RPS6KC1: variants seen among roughly 807,000 people sequenced by gnomAD.
RPS6KC1 encodes the protein ribosomal protein S6 kinase C1, also known as inactive ribosomal protein S6 kinase delta-1.
In RPS6KC1, 54 loss-of-function variants were observed where a neutral mutation model predicts 103.8. The observed-to-expected ratio is 0.52, with a 90% confidence interval of 0.42 to 0.65. RPS6KC1 has a LOEUF of 0.65. Among genes scored for constraint, RPS6KC1 ranks in the 30% least tolerant of loss-of-function variants. The pLI is 0.00. For synonymous variants in RPS6KC1, 439 were observed against 438.7 expected, an observed-to-expected ratio of 1.00 and a Z score of -0.01; for missense variants, 1,151 against 1,253.8, an observed-to-expected ratio of 0.92 and a Z score of 1.24.
chr1:213,415,167 CTA>C, the RPS6KC1 span, among the ~76,000 whole-genome samples: 1 of 152,230 alleles, frequency 6.6e-6, no homozygotes, highest in Non-Finnish European at 1.5e-5. Context: ...GTGTCTACTC[CTA>C]TGTTTCATCC....
intron 5 of RPS6KC1, among the ~76,000 whole-genome samples, chr1:213,127,438 G>T (rs1300749120): frequency 1.3e-5 from 2 of 152,136 alleles, no homozygotes; most frequent in Non-Finnish European, 2.9e-5. Context: ...GAAAAAATGA[G>T]AATTATACAT....
the RPS6KC1 span, among the ~76,000 whole-genome samples, chr1:213,786,360 C>T: frequency 6.6e-6 from 1 of 152,236 alleles, no homozygotes; most frequent in African/African-American, 2.4e-5. Flanking sequence ...ATAGTTGTTC[C>T]CCATTGTTAA....
the RPS6KC1 span, among the ~76,000 whole-genome samples, chr1:213,693,819 T>C: frequency 3.5e-4 from 53 of 152,320 alleles, no homozygotes; most frequent in Admixed American, 2.1e-3. Flanking sequence ...CAGTCAATAA[T>C]ATATTTATCT....
intron 5 of RPS6KC1, among the ~76,000 whole-genome samples, chr1:213,122,558 G>C (rs1469679598): frequency 6.6e-6 from 1 of 152,078 alleles, no homozygotes; most frequent in African/African-American, 2.4e-5. Context: ...ATAATATAGT[G>C]TGAGATGACA....
intron 6 of RPS6KC1, among the ~76,000 whole-genome samples, chr1:213,139,221 A>C (rs2086733087): frequency 6.6e-6 from 1 of 151,860 alleles, no homozygotes; most frequent in Non-Finnish European, 1.5e-5. Context: ...TGTTGATTTG[A>C]GTTCCTTATA....
At chr1:213,068,864 AGTGTATATAT>A (rs1435076063) in intron 1 of RPS6KC1, among the ~76,000 whole-genome samples, 1 of 130,150 alleles carries the variant, frequency 7.7e-6, no homozygotes, top group East Asian at 2.4e-4. Context: ...AAAAAAAAAA[AGTGTATATAT>A]GTGTGTGTGT....
At chr1:213,601,459 A>G in the RPS6KC1 span, among the ~76,000 whole-genome samples, 1 of 148,064 alleles carries the variant, frequency 6.8e-6, no homozygotes, top group Admixed American at 6.8e-5. Flanking sequence ...TACTATATGT[A>G]AATATATATT....
intron 8 of RPS6KC1, among the ~76,000 whole-genome samples, chr1:213,226,144 A>T (rs1333867516): frequency 6.6e-6 from 1 of 150,988 alleles, no homozygotes; most frequent in African/African-American, 2.4e-5. Flanking sequence ...AATGGCGTGA[A>T]CCCGGGAGGC....
chr1:213,171,036 AATT>A (rs1357034476), intron 7 of RPS6KC1, among the ~76,000 whole-genome samples: 1 of 152,120 alleles, frequency 6.6e-6, no homozygotes, highest in African/African-American at 2.4e-5. Context: ...AATTTTTGTT[AATT>A]ATTGTTTTCT....
the RPS6KC1 span, among the ~76,000 whole-genome samples, chr1:213,514,277 C>T: frequency 5.9e-5 from 9 of 152,072 alleles, no homozygotes; most frequent in Middle Eastern, 0.014. Flanking sequence ...ATGTGCACAA[C>T]GTGCAGGTTT....
the RPS6KC1 span, among the ~76,000 whole-genome samples, chr1:213,302,836 A>AT: frequency 6.6e-6 from 1 of 152,176 alleles, no homozygotes; most frequent in Non-Finnish European, 1.5e-5. Flanking sequence ...TCAGGAGCTT[A>AT]TTTTTGTATA....
chr1:213,711,537 C>A, the RPS6KC1 span, among the ~76,000 whole-genome samples: 1 of 152,130 alleles, frequency 6.6e-6, no homozygotes, highest in South Asian at 2.1e-4. Flanking sequence ...ATTCTCCATC[C>A]AGTTTTTTTT....
chr1:213,235,074 CTT>C (rs2094192787), intron 10 of RPS6KC1, among the ~76,000 whole-genome samples: 1 of 152,172 alleles, frequency 6.6e-6, no homozygotes, highest in Non-Finnish European at 1.5e-5. Flanking sequence ...AGAAAAGTAA[CTT>C]TTCATATGTG....
the RPS6KC1 span, among the ~76,000 whole-genome samples, chr1:213,780,134 A>G: frequency 6.6e-6 from 1 of 152,224 alleles, no homozygotes; most frequent in Admixed American, 6.5e-5. Flanking sequence ...GGAAAAATGC[A>G]ACGCAGAAAG....
chr1:213,181,213 TG>T (rs1467341360), intron 8 of RPS6KC1, among the ~76,000 whole-genome samples: 33 of 152,342 alleles, frequency 2.2e-4, no homozygotes, highest in Admixed American at 2.1e-3. Context: ...CATGTGTGTA[TG>T]GTATTCACAA....
chr1:213,408,280 C>T, the RPS6KC1 span, among the ~76,000 whole-genome samples: 1,874 of 152,264 alleles, frequency 0.012, 35 homozygotes, highest in East Asian at 0.095. Flanking sequence ...TGCAGGGCCT[C>T]GCACCCCTTC....
chr1:213,475,587 T>A, the RPS6KC1 span, among the ~76,000 whole-genome samples: 2 of 151,732 alleles, frequency 1.3e-5, no homozygotes, highest in African/African-American at 4.8e-5. Flanking sequence ...CAGTGAGGAG[T>A]GCCCCTCCCA....
At chr1:213,592,805 G>A in the RPS6KC1 span, among the ~76,000 whole-genome samples, 1 of 152,178 alleles carries the variant, frequency 6.6e-6, no homozygotes, top group Admixed American at 6.5e-5. Flanking sequence ...CAAGCTTTGT[G>A]CTTATATTCT....
intron 1 of RPS6KC1, among the ~76,000 whole-genome samples, chr1:213,056,512 G>T (rs1019838957): frequency 6.6e-6 from 1 of 152,234 alleles, no homozygotes; most frequent in Non-Finnish European, 1.5e-5. Context: ...ATGGATACGT[G>T]AATAATAAGT....
Sources: gnomAD v4.1 joint callset for allele counts (sites outside exome capture counted in the v4.1 genomes callset) on GRCh38, gnomAD v4.1.1 for gene constraint, MANE v1.5 for transcripts, NCBI Gene and HGNC (gene_info 2026-07-23, HGNC 2026-07-21) for gene names.